The following MGLL variants were observed in gnomAD, a reference collection of about 807,000 sequenced individuals.
MGLL encodes the protein lysophospholipase homolog.
Under a neutral mutation model 29.1 loss-of-function variants are expected in MGLL, and 7 were observed. The observed-to-expected ratio is 0.24, with a 90% confidence interval of 0.14 to 0.45. The LOEUF is 0.45. MGLL is among the 20% of genes least tolerant of loss of function. The probability of loss-of-function intolerance (pLI) is 0.99; values close to 1 mark genes in which losing one functional copy is unlikely to be tolerated. For synonymous variants in MGLL, 148 were observed against 168.3 expected, an observed-to-expected ratio of 0.88 and a Z score of 0.93; for missense variants, 356 against 413.6, an observed-to-expected ratio of 0.86 and a Z score of 1.21.
At chr3:127,818,046 T>G (rs1265487494) in intron 2 of MGLL, among the ~76,000 whole-genome samples, 1 of 152,216 alleles carries the variant, frequency 6.6e-6, no homozygotes, top group Non-Finnish European at 1.5e-5. Context: ...CTGCAACCTC[T>G]GCATCCTGGG....
intron 3 of MGLL, among the ~76,000 whole-genome samples, chr3:127,751,560 CAT>C (rs1238325913): frequency 1.3e-5 from 2 of 151,938 alleles, no homozygotes; most frequent in African/African-American, 4.8e-5. Flanking sequence ...GCTGACCACA[CAT>C]GTGTGAGGGG....
intron 5 of MGLL, among the ~76,000 whole-genome samples, chr3:127,717,661 G>T (rs1226595088): frequency 6.6e-6 from 1 of 152,184 alleles, no homozygotes; most frequent in African/African-American, 2.4e-5. Flanking sequence ...AGGTCATTTA[G>T]AATGATTACT....
intron 3 of MGLL, among the ~76,000 whole-genome samples, chr3:127,763,613 TG>T (rs2076803802): frequency 6.6e-6 from 1 of 152,220 alleles, no homozygotes; most frequent in African/African-American, 2.4e-5. Context: ...CACCTGGACC[TG>T]TGCTGAGGCC....
intron 5 of MGLL, chr3:127,712,396 A>G (rs2075733796): frequency 1.3e-5 from 2 of 152,316 alleles, no homozygotes; most frequent in South Asian, 4.1e-4. Flanking sequence ...ACCATCCAGT[A>G]TCAGGCAGAC....
In MGLL at chr3:127,693,177, C is replaced by T. The variant is rs570865555; in HGVS notation, c.817-854G>A. ...CGTCAGTCTCTCTGCCTGGCGTTTC[C>T]GGTCTCATTACAGCCTCCTCATTAC... is the stretch of plus-strand genomic sequence containing the variant. On this transcript the variant is annotated intron_variant, in intron 7 of 7. Transcript: ENST00000265052. Among the ~76,000 whole-genome samples, 215 of 152,276 alleles carry T rather than the reference C, an allele frequency of 1.4e-3. 1 individual carries two copies. Among genetic ancestry groups the T allele is most frequent in the African/African-American group, 4.7e-3 (196 of 41,534 alleles).
intron 2 of MGLL, among the ~76,000 whole-genome samples, chr3:127,786,757 C>A (rs779595074): frequency 1.3e-5 from 2 of 152,228 alleles, no homozygotes; most frequent in Non-Finnish European, 2.9e-5. Context: ...ACACCACCGA[C>A]CTCAGAGAGC....
rs370642631 is a variant in MGLL at position 127,691,962 on chromosome 3, A to G, written c.*236T>C. 1 of 568,836 alleles carries G rather than the reference A, an allele frequency of 1.8e-6. No homozygotes were observed. The highest frequency in any genetic ancestry group is 3.2e-5 in the East Asian group (1 of 31,224). 35.2% of individuals were successfully genotyped at this position (568,836 alleles called of 1,614,324 possible). A position where few individuals can be genotyped will look rare whatever the true frequency, so the allele number is the denominator to read the frequency against. On this transcript the variant is annotated 3_prime_UTR_variant, in exon 8 of 8. Coordinates refer to ENST00000265052, the MANE Select transcript of MGLL (RefSeq NM_007283.7). Reference sequence around the variant, plus strand: ...TTTAGCACATTCTTTGTGGAAAATCACCTGGGACCTTTCTCTTTTTTTGCA... The same window carrying G: ...TTTAGCACATTCTTTGTGGAAAATCGCCTGGGACCTTTCTCTTTTTTTGCA...
At chr3:127,789,798 A>G (rs1019588293) in intron 2 of MGLL, among the ~76,000 whole-genome samples, 1 of 152,216 alleles carries the variant, frequency 6.6e-6, no homozygotes, top group Non-Finnish European at 1.5e-5. Context: ...GCATTTTCCA[A>G]GAAGAAAACA....
At chr3:127,775,816 G>A (rs569208562) in intron 3 of MGLL, among the ~76,000 whole-genome samples, 8 of 152,274 alleles carry the variant, frequency 5.3e-5, no homozygotes, top group South Asian at 4.1e-4. Context: ...GCAGGCCTGC[G>A]GGCAAATGGG....
chr3:127,734,389 C>T (rs371954155), intron 3 of MGLL, among the ~76,000 whole-genome samples: 3 of 152,312 alleles, frequency 2.0e-5, no homozygotes, highest in African/African-American at 7.2e-5. Context: ...GGAAGCATCG[C>T]CCACTGCCTC....
At chr3:127,755,759 G>A (rs1021336171) in intron 3 of MGLL, among the ~76,000 whole-genome samples, 7 of 152,068 alleles carry the variant, frequency 4.6e-5, no homozygotes, top group Non-Finnish European at 7.4e-5. Context: ...ATGTTCCCTC[G>A]CCCCCTTAAA....
At position 127,748,040 on chromosome 3, in the gene MGLL, GGTATTAA is replaced by G. The variant is rs549700067; in HGVS notation, c.263-25481_263-25475del. 5.7e-3 allele frequency among the ~76,000 whole-genome samples: 868 copies of G among 152,286 alleles called. 12 individuals carry two copies. The highest frequency in any genetic ancestry group is 0.014 in the Middle Eastern group (4 of 294). ...CACGCGGGGAGGAGCCACAGCGTCT[GGTATTAA>G]GTAAAGGAAAACTCATTAGCAAGAG... On this transcript the variant is annotated intron_variant, in intron 3 of 7. Transcript: ENST00000265052.
rs763819956 is a variant in MGLL at position 127,711,040 on chromosome 3, G to A, written c.511-375C>T. On this transcript the variant is annotated intron_variant, in intron 5 of 7. Coordinates refer to ENST00000265052, the MANE Select transcript of MGLL (RefSeq NM_007283.7). ...TTTCTCTGGGGTACTGAAAATACAC[G>A]GCAGGTGCAGAATCACACAGATCAA... is the stretch of plus-strand genomic sequence containing the variant. The A allele has an allele frequency of 2.4e-4, 86 of 357,342 alleles. 1 individual carries two copies. Among genetic ancestry groups the A allele is most frequent in the Non-Finnish European group, 4.3e-4 (78 of 181,804 alleles). 22.1% of individuals were successfully genotyped at this position (357,342 alleles called of 1,614,324 possible). A position where few individuals can be genotyped will look rare whatever the true frequency, so the allele number is the denominator to read the frequency against.
chr3:127,726,540 C>T (rs556948872), intron 3 of MGLL, among the ~76,000 whole-genome samples: 16 of 151,958 alleles, frequency 1.1e-4, no homozygotes, highest in African/African-American at 1.7e-4. Flanking sequence ...CCCAGGTTCA[C>T]GCCTCAGCCT....
chr3:127,697,675 T>G (rs187301150), intron 6 of MGLL, among the ~76,000 whole-genome samples: 1 of 152,236 alleles, frequency 6.6e-6, no homozygotes, highest in East Asian at 1.9e-4. Context: ...GTGCACATTC[T>G]GGGTTGACGG....
chr3:127,769,692 G>A (rs1197079213), intron 3 of MGLL, among the ~76,000 whole-genome samples: 1 of 152,254 alleles, frequency 6.6e-6, no homozygotes, highest in African/African-American at 2.4e-5. Flanking sequence ...AGCTCCAAGA[G>A]GCTGCAAGCT....
chr3:127,777,277 T>C (rs1380539356), intron 3 of MGLL, among the ~76,000 whole-genome samples: 1 of 152,186 alleles, frequency 6.6e-6, no homozygotes, highest in Admixed American at 6.5e-5. Flanking sequence ...AGAAAATACA[T>C]AAAGTAGAAA....
chr3:127,722,563 C>G lies in MGLL; in HGVS notation c.266G>C (p.Gly89Ala). Residue 89 changes from glycine to alanine, a missense_variant, in exon 4 of 8, where the codon GGC becomes GCC. Coordinates refer to ENST00000265052, the MANE Select transcript of MGLL (RefSeq NM_007283.7). ...CCTCTCCCCTTCGCTCTGTCCGTGG[C>G]CAACTGGAAAGGAACGGGAGATGAG... ...DLLVFAHDHV[G>A]HGQSEGERMV... 1 of 1,614,260 alleles carries G rather than the reference C, an allele frequency of 6.2e-7. No homozygotes were observed. The highest frequency in any genetic ancestry group is 8.5e-7 in the Non-Finnish European group (1 of 1,180,050).
chr3:127,770,150 G>A (rs146573360), intron 3 of MGLL, among the ~76,000 whole-genome samples: 121 of 152,172 alleles, frequency 8.0e-4, no homozygotes, highest in Middle Eastern at 6.8e-3. Flanking sequence ...AGCCTCCCAA[G>A]TAGCGGGGAC....
Sources: allele counts gnomAD v4.1 joint callset (sites outside exome capture counted in the v4.1 genomes callset), GRCh38; gene constraint gnomAD v4.1.1; transcripts MANE v1.5; gene names NCBI Gene and HGNC (gene_info 2026-07-23, HGNC 2026-07-21).